Variants in SPAG16 observed in about 807,000 individuals in gnomAD.
The protein encoded by SPAG16 is sperm associated antigen 16, also known as sperm-associated antigen 16 protein.
A neutral mutation model predicts 80.4 loss-of-function variants in SPAG16; 86 were observed. That is an observed-to-expected ratio of 1.07 (90% CI 0.90 to 1.28). The LOEUF is 1.28. Among genes scored for constraint, SPAG16 ranks in the 50% most tolerant of loss-of-function variants. SPAG16 has a pLI of 0.00. For missense variants in SPAG16, 870 were observed against 765.3 expected, an observed-to-expected ratio of 1.14 and a Z score of -1.61; for synonymous variants, 294 against 265.9, an observed-to-expected ratio of 1.11 and a Z score of -1.03.
chr2:213,869,267 A>ATATATATATATATGTATATATATATG (rs1559538091), intron 11 of SPAG16, among the ~76,000 whole-genome samples: 4 of 63,634 alleles, frequency 6.3e-5, no homozygotes, highest in African/African-American at 2.8e-4. Flanking sequence ...AAAAAAAAAT[A>ATATATATATATATGTATATATATATG]TATATATATA....
At chr2:214,061,417 G>A (rs1021109296) in intron 13 of SPAG16, among the ~76,000 whole-genome samples, 3 of 152,164 alleles carry the variant, frequency 2.0e-5, no homozygotes, top group African/African-American at 7.2e-5. Flanking sequence ...GCATGCGTGT[G>A]TATACATATA....
intron 9 of SPAG16, among the ~76,000 whole-genome samples, chr2:213,468,517 C>CTATGTATTTATATATAGATATATATA (rs1323088613): frequency 8.9e-6 from 1 of 111,928 alleles, no homozygotes. Flanking sequence ...ATATATATAT[C>CTATGTATTTATATATAGATATATATA]TATGTATTTA....
chr2:213,349,937 G>C (rs953986394), intron 6 of SPAG16, among the ~76,000 whole-genome samples: 33 of 152,214 alleles, frequency 2.2e-4, no homozygotes, highest in Non-Finnish European at 3.7e-4. Flanking sequence ...CTTAAGAGCT[G>C]TATGTTTTAT....
At chr2:213,433,364 T>C (rs1315571701) in intron 9 of SPAG16, among the ~76,000 whole-genome samples, 1 of 152,170 alleles carries the variant, frequency 6.6e-6, no homozygotes, top group Non-Finnish European at 1.5e-5. Flanking sequence ...TAAAGATTCC[T>C]CCAAAAACTC....
intron 15 of SPAG16, among the ~76,000 whole-genome samples, chr2:214,364,194 T>A (rs1311766688): frequency 6.6e-6 from 1 of 152,112 alleles, no homozygotes; most frequent in Non-Finnish European, 1.5e-5. Flanking sequence ...TCCTCTACTC[T>A]ACTATAGTAT....
rs149201360 is a variant in SPAG16 at position 214,353,765 on chromosome 2, G to C, written c.1721-56375G>C. On this transcript the variant is annotated intron_variant, in intron 15 of 15. Coordinates refer to ENST00000331683, the MANE Select transcript of SPAG16 (RefSeq NM_024532.5). ...AAGAAAATCACCATGTTATTTATAC[G>C]GTCAGTGTAACCCGTAATTGCAATT... Among the ~76,000 whole-genome samples, 47 of 152,086 alleles carry C rather than the reference G, an allele frequency of 3.1e-4. No homozygotes were observed. In the South Asian group the frequency reaches 9.5e-3, roughly 31 times the overall value.
chr2:214,227,568 C>T (rs556773625), intron 15 of SPAG16, among the ~76,000 whole-genome samples: 11 of 151,970 alleles, frequency 7.2e-5, no homozygotes, highest in African/African-American at 2.6e-4. Context: ...TTAATCATTG[C>T]TGTAACTGCT....
chr2:213,722,831 A>G (rs1350852816), intron 10 of SPAG16, among the ~76,000 whole-genome samples: 1 of 152,142 alleles, frequency 6.6e-6, no homozygotes, highest in Non-Finnish European at 1.5e-5. Context: ...TACAGAAAAA[A>G]AAATAGGTGC....
At position 214,348,966 on chromosome 2, in the gene SPAG16, T is replaced by A. The variant is rs1191551001; in HGVS notation, c.1721-61174T>A. 5.3e-4 allele frequency among the ~76,000 whole-genome samples: 78 copies of A among 146,874 alleles called. 2 individuals carry two copies. The highest frequency in any genetic ancestry group is 1.5e-5 in the Non-Finnish European group (1 of 65,002). On this transcript the variant is annotated intron_variant, in intron 15 of 15. Transcript: ENST00000331683. ...TATAAGAATATACGGTCATCTTTATTTTTTTTTACTTTTACAATTAAATTT... is the reference window on the plus strand; with the variant it reads ...TATAAGAATATACGGTCATCTTTATATTTTTTTACTTTTACAATTAAATTT...
At chr2:214,391,496 T>C (rs543877760) in intron 15 of SPAG16, among the ~76,000 whole-genome samples, 4 of 152,174 alleles carry the variant, frequency 2.6e-5, no homozygotes, top group African/African-American at 9.6e-5. Context: ...AAATATCACA[T>C]TGAAGAATGG....
chr2:214,359,509 T>C (rs569816720), intron 15 of SPAG16, among the ~76,000 whole-genome samples: 1 of 152,068 alleles, frequency 6.6e-6, no homozygotes, highest in African/African-American at 2.4e-5. Flanking sequence ...AAAAGTTTAA[T>C]GCTTTGGCTT....
chr2:214,333,004 C>T (rs1697030917), intron 15 of SPAG16, among the ~76,000 whole-genome samples: 2 of 152,164 alleles, frequency 1.3e-5, no homozygotes, highest in African/African-American at 2.4e-5. Context: ...TCAATGTCAG[C>T]AATTCTCAAA....
chr2:213,994,117 A>AT (rs1030736440), intron 12 of SPAG16, among the ~76,000 whole-genome samples: 3 of 151,528 alleles, frequency 2.0e-5, no homozygotes, highest in Admixed American at 6.6e-5. Flanking sequence ...TATGTGTGTG[A>AT]TTTTTTTTTC....
At chr2:214,329,017 G>A (rs189847098) in intron 15 of SPAG16, among the ~76,000 whole-genome samples, 43 of 152,230 alleles carry the variant, frequency 2.8e-4, no homozygotes, top group Non-Finnish European at 3.8e-4. Flanking sequence ...TTGATTAGCC[G>A]AGGATACAAA....
At chr2:213,936,061 A>C in intron 12 of SPAG16, among the ~76,000 whole-genome samples, 1 of 152,252 alleles carries the variant, frequency 6.6e-6, no homozygotes, top group South Asian at 2.1e-4. Context: ...TTAAACAGGA[A>C]GGTCGAGAAA....
At chr2:213,520,092 G>A (rs2075602504) in intron 10 of SPAG16, among the ~76,000 whole-genome samples, 1 of 151,776 alleles carries the variant, frequency 6.6e-6, no homozygotes, top group Admixed American at 6.6e-5. Context: ...GAGCAAGAGA[G>A]AGAGAGAGAG....
intron 9 of SPAG16, among the ~76,000 whole-genome samples, chr2:213,454,418 A>G (rs776897841): frequency 1.3e-5 from 2 of 152,086 alleles, no homozygotes; most frequent in South Asian, 2.1e-4. Flanking sequence ...TATTTTCTCT[A>G]TATCTCTCTT....
At chr2:214,277,339 G>A (rs959043158) in intron 15 of SPAG16, among the ~76,000 whole-genome samples, 2 of 152,106 alleles carry the variant, frequency 1.3e-5, no homozygotes, top group African/African-American at 4.8e-5. Flanking sequence ...TGCTGGTGAG[G>A]AGCTGCGATA....
intron 10 of SPAG16, among the ~76,000 whole-genome samples, chr2:213,615,714 A>G (rs1290457540): frequency 1.3e-5 from 2 of 152,228 alleles, no homozygotes; most frequent in Non-Finnish European, 2.9e-5. Context: ...GTGTTGTGTT[A>G]TTTAACGTTA....
Sources: gnomAD v4.1 joint callset for allele counts (sites outside exome capture counted in the v4.1 genomes callset) on GRCh38, gnomAD v4.1.1 for gene constraint, MANE v1.5 for transcripts, NCBI Gene and HGNC (gene_info 2026-07-23, HGNC 2026-07-21) for gene names.